TSGA10: variants seen among roughly 807,000 people sequenced by gnomAD.
TSGA10 encodes testis specific 10.
In TSGA10, 43 loss-of-function variants were observed where a neutral mutation model predicts 96.6. The observed-to-expected ratio is 0.44, with a 90% CI of 0.35 to 0.57. The LOEUF (loss-of-function observed/expected upper bound fraction) is 0.57. Among genes scored for constraint, TSGA10 ranks in the 20% least tolerant of loss-of-function variants. The probability of loss-of-function intolerance (pLI) is 0.01; values close to 1 mark genes in which losing one functional copy is unlikely to be tolerated. For synonymous variants in TSGA10, 229 were observed against 269.9 expected, an observed-to-expected ratio of 0.85 and a Z score of 1.48; for missense variants, 703 against 834.4, an observed-to-expected ratio of 0.84 and a Z score of 1.94.
intron 1 of TSGA10, among the ~76,000 whole-genome samples, chr2:99,138,777 T>C (rs763217967): frequency 2.0e-5 from 3 of 152,164 alleles, no homozygotes; most frequent in Non-Finnish European, 2.9e-5. Flanking sequence ...CAAATACACC[T>C]TTACAAACAA....
intron 17 of TSGA10, among the ~76,000 whole-genome samples, chr2:99,030,546 G>GA (rs1455382775): frequency 6.6e-6 from 1 of 151,582 alleles, no homozygotes; most frequent in African/African-American, 2.4e-5. Context: ...AGCTACTTGG[G>GA]AGGCTGAGGT....
intron 12 of TSGA10, among the ~76,000 whole-genome samples, chr2:99,077,531 T>C (rs1300907573): frequency 6.6e-6 from 1 of 152,150 alleles, no homozygotes; most frequent in East Asian, 1.9e-4. Context: ...AATATCAGTA[T>C]CTCTGCCTTG....
intron 12 of TSGA10, among the ~76,000 whole-genome samples, chr2:99,073,366 G>C (rs1292658861): frequency 1.3e-5 from 2 of 152,128 alleles, no homozygotes; most frequent in Non-Finnish European, 1.5e-5. Context: ...AGCAATACAA[G>C]AACCCTATAA....
At chr2:99,016,706 C>T (rs1376874694) in intron 20 of TSGA10, among the ~76,000 whole-genome samples, 1 of 152,178 alleles carries the variant, frequency 6.6e-6, no homozygotes. Flanking sequence ...AGTAAACAGA[C>T]AACCCACAGA....
chr2:99,011,133 T>C (rs1051997503), intron 20 of TSGA10, among the ~76,000 whole-genome samples: 6 of 152,190 alleles, frequency 3.9e-5, no homozygotes, highest in South Asian at 2.1e-4. Flanking sequence ...ATCACTTTCC[T>C]GTCACCTCTA....
chr2:99,131,883 G>A (rs987988832), intron 1 of TSGA10, among the ~76,000 whole-genome samples: 6 of 152,030 alleles, frequency 3.9e-5, no homozygotes, highest in African/African-American at 1.2e-4. Flanking sequence ...ATAATCATGT[G>A]GTTTTTGTCA....
At chr2:99,056,708 C>T (rs1345972747) in intron 16 of TSGA10, among the ~76,000 whole-genome samples, 1 of 149,992 alleles carries the variant, frequency 6.7e-6, no homozygotes, top group African/African-American at 2.4e-5. Flanking sequence ...GAGGAGGAAA[C>T]ATTTTCTAAC....
At chr2:99,005,673 C>T (rs892675256) in intron 20 of TSGA10, among the ~76,000 whole-genome samples, 3 of 152,130 alleles carry the variant, frequency 2.0e-5, no homozygotes, top group African/African-American at 7.2e-5. Flanking sequence ...ACATTCCATG[C>T]TCATGGGTAG....
chr2:99,141,182 A>G, intron 1 of TSGA10: 1 of 1,227,486 alleles, frequency 8.1e-7, no homozygotes, highest in Non-Finnish European at 1.0e-6. Flanking sequence ...GGATACAAGA[A>G]CCGCCCACTC....
chr2:99,120,293 T>A (rs981724083), intron 2 of TSGA10, among the ~76,000 whole-genome samples: 1 of 152,136 alleles, frequency 6.6e-6, no homozygotes, highest in African/African-American at 2.4e-5. Context: ...TTTACTCAAT[T>A]CCAAGACAAA....
At position 99,148,513 on chromosome 2, in the gene TSGA10, T is replaced by C. The variant is rs143630727; in HGVS notation, c.-621+6180A>G. Among the ~76,000 whole-genome samples, 1,232 of 152,348 alleles carry C rather than the reference T, an allele frequency of 8.1e-3. 47 individuals carry two copies. Among genetic ancestry groups the C allele is most frequent in the Admixed American group, 0.072 (1,104 of 15,302 alleles). On this transcript the variant is annotated intron_variant, in intron 1 of 20. Transcript: ENST00000393483. ...TAGGCTACTACAGTAGACCCAGGAC[T>C]CTGTTTTGTTATAAACACTGATATT...
chr2:99,001,610 GAACAA>G (rs756180146), intron 20 of TSGA10, among the ~76,000 whole-genome samples: 3 of 152,132 alleles, frequency 2.0e-5, no homozygotes, highest in African/African-American at 7.2e-5. Flanking sequence ...ACCAGCAACA[GAACAA>G]AACTGGACAG....
At chr2:99,059,049 A>AATATAT (rs58675400) in intron 16 of TSGA10, among the ~76,000 whole-genome samples, 4 of 136,400 alleles carry the variant, frequency 2.9e-5, no homozygotes, top group Non-Finnish European at 6.1e-5. Flanking sequence ...AAAAAAAAAT[A>AATATAT]ATATATATAT....
chr2:99,022,263 T>C (rs1159015737), intron 17 of TSGA10, among the ~76,000 whole-genome samples: 4 of 128,920 alleles, frequency 3.1e-5, no homozygotes, highest in Admixed American at 2.1e-4. Flanking sequence ...AAGTTGAGGA[T>C]ACAGTGAGCC....
At chr2:99,131,957 T>A (rs536831987) in intron 1 of TSGA10, among the ~76,000 whole-genome samples, 3 of 152,122 alleles carry the variant, frequency 2.0e-5, no homozygotes, top group Non-Finnish European at 4.4e-5. Flanking sequence ...TACAACTTCA[T>A]CCCAGGGATG....
chr2:99,106,326 T>G (rs1449430894), intron 7 of TSGA10, among the ~76,000 whole-genome samples: 2 of 152,166 alleles, frequency 1.3e-5, no homozygotes, highest in Non-Finnish European at 2.9e-5. Context: ...ACTTCCCAAT[T>G]TCCACAGCTA....
intron 16 of TSGA10, among the ~76,000 whole-genome samples, chr2:99,059,489 AT>A (rs1405645246): frequency 6.6e-6 from 1 of 151,650 alleles, no homozygotes; most frequent in East Asian, 1.9e-4. Context: ...ACAAAAAAAA[AT>A]TAGCCAGGCA....
chr2:99,074,951 C>T (rs1171104608), intron 12 of TSGA10, among the ~76,000 whole-genome samples: 1 of 146,806 alleles, frequency 6.8e-6, no homozygotes, highest in East Asian at 2.0e-4. Context: ...GAGACTCCGT[C>T]TCAAAAAAAA....
chr2:99,013,130 T>C lies in TSGA10; in HGVS notation c.2072+5070A>G, dbSNP rs150071162. On this transcript the variant is annotated intron_variant, in intron 20 of 20. Transcript: ENST00000393483. ...GGTGTGACCTTAGAGTGTCTATTTG[T>C]GCTCTTTCAAACTTTCTGATGTAGG... Among the ~76,000 whole-genome samples the C allele has an allele frequency of 8.6e-3, 1,312 of 152,238 alleles. 16 individuals carry two copies. The highest frequency in any genetic ancestry group is 0.03 in the African/African-American group (1,237 of 41,546).
Sources: allele counts gnomAD v4.1 joint callset (sites outside exome capture counted in the v4.1 genomes callset), GRCh38; gene constraint gnomAD v4.1.1; transcripts MANE v1.5; gene names NCBI Gene and HGNC (gene_info 2026-07-23, HGNC 2026-07-21).